The following CEP112 variants were observed in gnomAD, a reference collection of about 807,000 sequenced individuals.
CEP112 encodes centrosomal protein of 112 kDa.
Under a neutral mutation model 153.0 loss-of-function variants are expected in CEP112, and 127 were observed. The ratio of observed to expected loss-of-function variants is 0.83; its 90% CI spans 0.72 to 0.96. The LOEUF is 0.96. CEP112 is among the 40% of genes least tolerant of loss of function. CEP112 has a pLI of 0.00. For missense variants in CEP112, 1,089 were observed against 1,101.2 expected (o/e 0.99, Z 0.16); for synonymous variants, 358 against 374.4 (o/e 0.96, Z 0.51).
At chr17:65,880,333 A>G (rs2059014939) in intron 20 of CEP112, among the ~76,000 whole-genome samples, 1 of 152,222 alleles carries the variant, frequency 6.6e-6, no homozygotes, top group African/African-American at 2.4e-5. Context: ...AATATGAGAT[A>G]AAGTCATGAT....
intron 17 of CEP112, among the ~76,000 whole-genome samples, chr17:65,985,038 T>C (rs140686315): frequency 3.9e-5 from 6 of 152,292 alleles, no homozygotes; most frequent in African/African-American, 7.2e-5. Context: ...CCAAACTGCA[T>C]TGGCTTGAAG....
At chr17:66,076,779 A>G (rs1057045711) in intron 8 of CEP112, among the ~76,000 whole-genome samples, 11 of 152,186 alleles carry the variant, frequency 7.2e-5, no homozygotes, top group Non-Finnish European at 1.3e-4. Flanking sequence ...AAACCACTAA[A>G]GCTAAGAACC....
intron 4 of CEP112, among the ~76,000 whole-genome samples, chr17:66,133,105 G>T (rs948022691): frequency 3.3e-5 from 5 of 149,412 alleles, no homozygotes; most frequent in African/African-American, 9.8e-5. Flanking sequence ...AAAAAGAAAA[G>T]AAATACAAGT....
chr17:65,734,341 G>C lies in CEP112; in HGVS notation c.2607+8727C>G, dbSNP rs563190550. Among the ~76,000 whole-genome samples, 4 of 152,286 alleles carry C rather than the reference G, an allele frequency of 2.6e-5. No individual in the cohort carries two copies. In the East Asian group the frequency reaches 7.7e-4, roughly 29 times the overall value. On this transcript the variant is annotated intron_variant, in intron 23 of 26. Coordinates refer to ENST00000535342, the MANE Select transcript of CEP112 (RefSeq NM_001199165.4). ...CACTGGCAGCTGATGAGGGAGACTG[G>C]AGGGTGATGTCTAGACAAGTGGTTC...
At chr17:65,704,221 C>T (rs1198470366) in intron 23 of CEP112, among the ~76,000 whole-genome samples, 6 of 152,032 alleles carry the variant, frequency 3.9e-5, no homozygotes, top group African/African-American at 7.2e-5. Context: ...AGGATTCCTC[C>T]CTAGAGCCTT....
intron 21 of CEP112, chr17:65,826,317 A>G: frequency 6.2e-7 from 1 of 1,613,864 alleles, no homozygotes; most frequent in Non-Finnish European, 8.5e-7. Context: ...GACCCCCATT[A>G]AGATCTCAGA....
chr17:66,142,543 G>A (rs182775102), intron 4 of CEP112, among the ~76,000 whole-genome samples: 70 of 152,120 alleles, frequency 4.6e-4, no homozygotes, highest in Non-Finnish European at 7.2e-4. Context: ...GCAAGATAAG[G>A]GCCAAATTTT....
At chr17:65,651,427 T>C (rs943310627) in intron 24 of CEP112, among the ~76,000 whole-genome samples, 1 of 152,222 alleles carries the variant, frequency 6.6e-6, no homozygotes, top group Non-Finnish European at 1.5e-5. Flanking sequence ...TTTCATTTAA[T>C]GACTTCTTTT....
chr17:65,853,629 G>A (rs569346223), intron 20 of CEP112, among the ~76,000 whole-genome samples: 19 of 152,038 alleles, frequency 1.2e-4, no homozygotes, highest in Non-Finnish European at 1.9e-4. Context: ...CTCGGAAGGC[G>A]GAGGCAGAGA....
intron 16 of CEP112, among the ~76,000 whole-genome samples, chr17:66,010,088 C>T (rs1467192184): frequency 6.6e-6 from 1 of 152,078 alleles, no homozygotes; most frequent in Non-Finnish European, 1.5e-5. Context: ...TCTTCCTATC[C>T]ATGAGGATGA....
chr17:65,862,445 G>A (rs908941595), intron 20 of CEP112, among the ~76,000 whole-genome samples: 9 of 152,044 alleles, frequency 5.9e-5, no homozygotes, highest in Non-Finnish European at 1.0e-4. Flanking sequence ...AAAATTAGCC[G>A]GGCGTGGTGG....
At chr17:65,761,114 T>C (rs1462068363) in intron 21 of CEP112, among the ~76,000 whole-genome samples, 2 of 151,922 alleles carry the variant, frequency 1.3e-5, no homozygotes, top group Non-Finnish European at 2.9e-5. Context: ...TTTTATTAGA[T>C]ATTTATATTC....
intron 21 of CEP112, among the ~76,000 whole-genome samples, chr17:65,812,520 T>C (rs1259062071): frequency 6.6e-6 from 1 of 152,116 alleles, no homozygotes; most frequent in Non-Finnish European, 1.5e-5. Context: ...AAATCTGCAG[T>C]CTGAAGCAGC....
At chr17:65,924,212 G>A (rs1286060641) in intron 19 of CEP112, among the ~76,000 whole-genome samples, 2 of 152,036 alleles carry the variant, frequency 1.3e-5, no homozygotes, top group Non-Finnish European at 2.9e-5. Flanking sequence ...TCCTAACCTC[G>A]TGATCCGCCT....
chr17:66,166,361 A>G (rs2071957329), intron 4 of CEP112, among the ~76,000 whole-genome samples: 1 of 152,158 alleles, frequency 6.6e-6, no homozygotes, highest in Admixed American at 6.5e-5. Flanking sequence ...TTTCAGTAAA[A>G]ATAATAAGTG....
rs534426291 is a variant in CEP112, at chr17:66,038,299, T to C, written c.1219-8276A>G. 2.6e-3 allele frequency among the ~76,000 whole-genome samples: 397 copies of C among 152,292 alleles called. 1 individual carries two copies. Among genetic ancestry groups the C allele is most frequent in the African/African-American group, 9.2e-3 (381 of 41,556 alleles). ...GTCAAACAAATACTTTTGTATATAC[T>C]GATGCCAAGTTTCTGACTGAAGAAG... On this transcript the variant is annotated intron_variant, in intron 12 of 26. Transcript: ENST00000535342.
At chr17:65,750,613 C>A in intron 22 of CEP112, 49 bp downstream of exon 22, 1 of 1,520,640 alleles carries the variant, frequency 6.6e-7, no homozygotes, top group Non-Finnish European at 9.1e-7. Flanking sequence ...GTGGAGGTTT[C>A]ATTTTTGTTT....
At chr17:65,922,164 T>C (rs2144086359) in intron 19 of CEP112, among the ~76,000 whole-genome samples, 1 of 152,260 alleles carries the variant, frequency 6.6e-6, no homozygotes. Flanking sequence ...TAATTCTAAT[T>C]TGCATTTTTA....
chr17:65,820,829 CAATATT>C (rs1308027827), intron 21 of CEP112, among the ~76,000 whole-genome samples: 1 of 151,962 alleles, frequency 6.6e-6, no homozygotes, highest in Non-Finnish European at 1.5e-5. Context: ...ATTCCGCATT[CAATATT>C]AATATGAAAT....
Sources: gnomAD v4.1 joint callset for allele counts (sites outside exome capture counted in the v4.1 genomes callset) on GRCh38, gnomAD v4.1.1 for gene constraint, MANE v1.5 for transcripts, NCBI Gene and HGNC (gene_info 2026-07-23, HGNC 2026-07-21) for gene names.